ASB5: variants seen among roughly 807,000 people sequenced by gnomAD.
ASB5 encodes ankyrin repeat and SOCS box protein 5.
A neutral mutation model predicts 42.1 loss-of-function variants in ASB5; 45 were observed. The observed-to-expected ratio is 1.07, with a 90% CI of 0.84 to 1.37. The LOEUF (loss-of-function observed/expected upper bound fraction) is 1.37. Among genes scored for constraint, ASB5 ranks in the 40% most tolerant of loss-of-function variants. ASB5 has a pLI of 0.00. For synonymous variants in ASB5, 147 were observed against 150.6 expected (o/e 0.98, Z 0.18); for missense variants, 402 against 399.8 (o/e 1.01, Z -0.05).
chr4:176,226,251 G>A (rs1220945549), intron 1 of ASB5, among the ~76,000 whole-genome samples: 1 of 152,116 alleles, frequency 6.6e-6, no homozygotes, highest in Non-Finnish European at 1.5e-5. Flanking sequence ...AACCTCTCCT[G>A]GTGTTGGAAC....
At chr4:176,233,298 T>A (rs1753597380) in intron 1 of ASB5, among the ~76,000 whole-genome samples, 1 of 152,234 alleles carries the variant, frequency 6.6e-6, no homozygotes, top group Admixed American at 6.5e-5. Context: ...ATAGATATTG[T>A]CAAAATTTAG....
intron 5 of ASB5, 22 bp from the exon 6 acceptor site, chr4:176,217,031 G>T: frequency 6.5e-7 from 1 of 1,540,842 alleles, no homozygotes; most frequent in Non-Finnish European, 8.8e-7. Flanking sequence ...ACGGAGTGAA[G>T]ATAAATATAA....
At position 176,221,495 on chromosome 4, in the gene ASB5, G is replaced by T. The variant is rs150772149; in HGVS notation, c.490C>A (p.Leu164Met). Residue 164 changes from leucine (L) to methionine (M), a missense_variant, in exon 4 of 7, where the codon CTG (leucine) becomes ATG (methionine). By Grantham distance (15) the Leu-to-Met change is conservative. Coordinates refer to ENST00000296525, the MANE Select transcript of ASB5 (RefSeq NM_080874.4). ...LLLEYGAKAQLESCLPSPTHE... is the reference protein window; with the variant it reads ...LLLEYGAKAQMESCLPSPTHE... ...GTTGGGGATGGAAGACATGACTCCA[G>T]CTGGGCTTTGGCACCATACTCCAGA... 228 of 1,614,180 alleles carry T rather than the reference G, an allele frequency of 1.4e-4. No homozygotes were observed. The African/African-American group carries it at 2.8e-3, about 20-fold the overall frequency.
At chr4:176,226,914 C>A (rs1753396550) in intron 1 of ASB5, among the ~76,000 whole-genome samples, 1 of 152,220 alleles carries the variant, frequency 6.6e-6, no homozygotes, top group South Asian at 2.1e-4. Context: ...CTTCTGCACC[C>A]AAGCTCTCCT....
chr4:176,215,794 T>C (rs955402666), intron 6 of ASB5, 67 bp from the exon 7 acceptor site: 16 of 1,468,580 alleles, frequency 1.1e-5, no homozygotes, highest in Non-Finnish European at 1.5e-5. Context: ...GTAAGGTACA[T>C]AACATAAAAC....
chr4:176,275,546 T>TTAC (rs1346556893), intron 2 of ASB5, among the ~76,000 whole-genome samples: 4 of 152,184 alleles, frequency 2.6e-5, no homozygotes, highest in African/African-American at 4.8e-5. Context: ...CTCCAGCAGT[T>TTAC]TACACAGTCA....
upstream of ASB5, among the ~76,000 whole-genome samples, chr4:176,273,091 A>C (rs1449996073): frequency 1.3e-5 from 2 of 152,028 alleles, no homozygotes; most frequent in Non-Finnish European, 2.9e-5. Context: ...CTGGGACTAC[A>C]GGCATGAGCC....
Position 176,222,396 on chromosome 4 carries a change from AG to A in ASB5, c.300del (p.Leu101Ter). 2 of 1,613,684 alleles carry A rather than the reference AG, an allele frequency of 1.2e-6. No homozygotes were observed. Among genetic ancestry groups the A allele is most frequent in the Non-Finnish European group, 1.7e-6 (2 of 1,179,798 alleles). Reference protein sequence around the residue: ...LSQGYNVNAVTLDHVTPLHEA... With the variant: ...LSQGYNVNAVXLDHVTPLHEA... The stretch of plus-strand genomic sequence containing the variant: ...TCGTGCAATGGGGTGACATGGTCTA[AG>A]GTTACTGCATTTACATTATAACCCT... On this transcript the variant is annotated frameshift_variant, in exon 3 of 7. Coordinates refer to ENST00000296525, the MANE Select transcript of ASB5 (RefSeq NM_080874.4). LOFTEE classifies it high-confidence loss of function.
At chr4:176,222,968 C>T (rs1427546321) in intron 2 of ASB5, among the ~76,000 whole-genome samples, 2 of 151,966 alleles carry the variant, frequency 1.3e-5, no homozygotes, top group African/African-American at 4.8e-5. Flanking sequence ...TTAGTAGACA[C>T]GGGGTTGCAC....
intron 3 of ASB5, among the ~76,000 whole-genome samples, 162 bp downstream of exon 3, chr4:176,222,151 T>TTTTAGA (rs1579311758): frequency 6.6e-6 from 1 of 152,204 alleles, no homozygotes; most frequent in East Asian, 1.9e-4. Context: ...TGGAAATCCT[T>TTTTAGA]TTTAGAGTGC....
chr4:176,233,382 C>T (rs1157133509), intron 1 of ASB5, among the ~76,000 whole-genome samples: 1 of 152,176 alleles, frequency 6.6e-6, no homozygotes, highest in Admixed American at 6.5e-5. Context: ...CAAATTTCAG[C>T]GCCACATGTT....
intron 1 of ASB5, among the ~76,000 whole-genome samples, chr4:176,260,672 T>C (rs1754248375): frequency 6.6e-6 from 1 of 152,110 alleles, no homozygotes; most frequent in African/African-American, 2.4e-5. Context: ...TGTTGTTTGT[T>C]TTTGTTTGTT....
At chr4:176,254,658 A>C (rs1321048749) in intron 1 of ASB5, among the ~76,000 whole-genome samples, 1 of 152,180 alleles carries the variant, frequency 6.6e-6, no homozygotes, top group African/African-American at 2.4e-5. Context: ...TGCATCTAAC[A>C]AAAAGGTCTA....
intron 1 of ASB5, among the ~76,000 whole-genome samples, chr4:176,227,946 G>A (rs1050694510): frequency 1.5e-4 from 23 of 152,076 alleles, no homozygotes; most frequent in Admixed American, 4.6e-4. Flanking sequence ...AGTCTAAAGA[G>A]AAGTTTTATT....
rs189797825 is a variant in ASB5 at position 176,226,441 on chromosome 4, G to T, written c.197-1100C>A. ...GGCTTTTGTACTTGGACTGAGCCAC[G>T]CTACCTCATCCCAGGGTCTCCAGCT... On this transcript the variant is annotated intron_variant, in intron 1 of 6. Coordinates refer to ENST00000296525, the MANE Select transcript of ASB5 (RefSeq NM_080874.4). 1.3e-4 allele frequency among the ~76,000 whole-genome samples: 20 copies of T among 152,212 alleles called. No homozygotes were observed. In the East Asian group the frequency reaches 3.7e-3, roughly 28 times the overall value.
At chr4:176,226,078 G>A (rs879281260) in intron 1 of ASB5, among the ~76,000 whole-genome samples, 3 of 152,224 alleles carry the variant, frequency 2.0e-5, no homozygotes, top group Non-Finnish European at 4.4e-5. Flanking sequence ...CAACCTGACT[G>A]AATTAAAGAA....
chr4:176,248,279 T>C (rs2624881), intron 1 of ASB5, among the ~76,000 whole-genome samples: 20,554 of 152,042 alleles, frequency 0.14, 1,889 homozygotes, highest in African/African-American at 0.26. Context: ...AGGTGCACAC[T>C]ACCATGCCTG....
At chr4:176,253,335 C>T (rs1484299486) in intron 1 of ASB5, among the ~76,000 whole-genome samples, 1 of 152,186 alleles carries the variant, frequency 6.6e-6, no homozygotes, top group Non-Finnish European at 1.5e-5. Flanking sequence ...TTATAAAGCA[C>T]AACAGTGCAC....
upstream of ASB5, among the ~76,000 whole-genome samples, chr4:176,269,795 C>T (rs763691365): frequency 6.6e-6 from 1 of 152,030 alleles, no homozygotes; most frequent in African/African-American, 2.4e-5. Flanking sequence ...GTAGAATGGT[C>T]CCTGCCACAA....
Sources: allele counts gnomAD v4.1 joint callset (sites outside exome capture counted in the v4.1 genomes callset), GRCh38; gene constraint gnomAD v4.1.1; transcripts MANE v1.5; gene names NCBI Gene and HGNC (gene_info 2026-07-23, HGNC 2026-07-21).